Variants in NFIB observed in about 807,000 individuals in gnomAD.
NFIB encodes nuclear factor I B.
NFIB carries 11 observed loss-of-function variants against 61.5 expected under a neutral mutation model. That is an observed-to-expected ratio of 0.18 (90% CI 0.11 to 0.30). The LOEUF (loss-of-function observed/expected upper bound fraction) is 0.30, where lower values mean the gene tolerates loss of function less well. NFIB is among the 10% of genes least tolerant of loss of function. The pLI, the probability that NFIB is intolerant of heterozygous loss-of-function variation, is 1.00. For missense variants in NFIB, 471 were observed against 608.9 expected, an observed-to-expected ratio of 0.77 and a Z score of 2.38; for synonymous variants, 260 against 216.5, an observed-to-expected ratio of 1.20 and a Z score of -1.76.
intron 10 of NFIB, chr9:14,093,552 A>T (rs73409940): frequency 1.3e-5 from 2 of 152,130 alleles, no homozygotes; most frequent in Non-Finnish European, 2.9e-5. Flanking sequence ...TAAGTATTTT[A>T]ATTTAAAAGA....
intron 1 of NFIB, among the ~76,000 whole-genome samples, chr9:14,345,332 C>A (rs1369580018): frequency 1.3e-5 from 2 of 152,118 alleles, no homozygotes; most frequent in Non-Finnish European, 2.9e-5. Flanking sequence ...TAAAACATCC[C>A]CAAATTCATC....
At chr9:14,098,710 C>A (rs1306784811) in intron 10 of NFIB, among the ~76,000 whole-genome samples, 2 of 152,216 alleles carry the variant, frequency 1.3e-5, no homozygotes, top group Non-Finnish European at 2.9e-5. Flanking sequence ...CTTCACCCAA[C>A]CAATATTTTA....
chr9:14,107,748 T>C (rs1051238427), intron 10 of NFIB, among the ~76,000 whole-genome samples: 1 of 152,148 alleles, frequency 6.6e-6, no homozygotes, highest in Non-Finnish European at 1.5e-5. Context: ...TTTCCTACCC[T>C]GTCCCTTATG....
At position 14,342,328 on chromosome 9, in the gene NFIB, A is replaced by C. The variant is rs1385577129; in HGVS notation, c.109-34808T>G. Among the ~76,000 whole-genome samples the C allele has an allele frequency of 2.6e-5, 4 of 152,350 alleles. No homozygotes were observed. The South Asian group carries it at 6.2e-4, about 24-fold the overall frequency. ...TTTCATTACTGGGACTCAAGGAGCA[A>C]CAAAGTTTCCCTTAGGAACTGAAAA... On this transcript the variant is annotated intron_variant, in intron 1 of 8. Transcript: ENST00000380934.
the NFIB span, among the ~76,000 whole-genome samples, chr9:14,452,731 C>T: frequency 0.18 from 27,421 of 152,118 alleles, 2,715 homozygotes; most frequent in East Asian, 0.33. Context: ...AAACAAATAT[C>T]TGCCAAAACA....
In NFIB at chr9:14,225,456, C is replaced by CAAAAAAAAAAA. The variant is rs1228589594; in HGVS notation, c.563-45687_563-45677dup. 4.5e-3 allele frequency among the ~76,000 whole-genome samples: 260 copies of CAAAAAAAAAAA among 57,966 alleles called. 4 individuals carry two copies. Among genetic ancestry groups the CAAAAAAAAAAA allele is most frequent in the Non-Finnish European group, 7.9e-3 (183 of 23,218 alleles). 38.0% of individuals were successfully genotyped at this position (57,966 alleles called of 152,430 possible). A position where few individuals can be genotyped will look rare whatever the true frequency, so the allele number is the denominator to read the frequency against. On this transcript the variant is annotated intron_variant, in intron 2 of 10. Coordinates refer to ENST00000380953, the MANE Select transcript of NFIB (RefSeq NM_001190737.2). ...TGGGCGACAGAGCGAGACTCCGTCT[C>CAAAAAAAAAAA]AAAAAAAAAAAAAAAAAAAAAAAAG...
intron 6 of NFIB, among the ~76,000 whole-genome samples, chr9:14,126,747 A>C (rs1161699081): frequency 6.6e-6 from 1 of 152,232 alleles, no homozygotes; most frequent in Non-Finnish European, 1.5e-5. Flanking sequence ...CATGATCACA[A>C]TGACAGTTTA....
the NFIB span, among the ~76,000 whole-genome samples, chr9:14,405,272 A>G: frequency 6.6e-6 from 1 of 152,202 alleles, no homozygotes. Context: ...CACCAATTAG[A>G]TTTTAGTGGA....
chr9:14,198,848 G>A (rs550098498), intron 2 of NFIB, among the ~76,000 whole-genome samples: 10 of 152,292 alleles, frequency 6.6e-5, no homozygotes, highest in African/African-American at 2.4e-4. Flanking sequence ...CAAAAATGCA[G>A]TCCTTAAGCC....
intron 1 of NFIB, among the ~76,000 whole-genome samples, chr9:14,387,185 A>AT (rs2061559224): frequency 6.6e-6 from 1 of 152,176 alleles, no homozygotes; most frequent in African/African-American, 2.4e-5. Context: ...TCAACAAATT[A>AT]TTTTTTATAC....
chr9:14,376,518 A>ATT (rs35781223), intron 1 of NFIB, among the ~76,000 whole-genome samples: 4,933 of 141,190 alleles, frequency 0.035, 285 homozygotes, highest in African/African-American at 0.12. Flanking sequence ...TAAAAGTGTC[A>ATT]TTTTTTTTTT....
the NFIB span, among the ~76,000 whole-genome samples, chr9:14,451,910 G>C: frequency 6.6e-6 from 1 of 151,694 alleles, no homozygotes; most frequent in African/African-American, 2.4e-5. Flanking sequence ...CTGTCGTCCT[G>C]TTTTAATTTG....
intron 2 of NFIB, among the ~76,000 whole-genome samples, chr9:14,252,463 A>C (rs972465560): frequency 1.3e-5 from 2 of 152,144 alleles, no homozygotes; most frequent in Non-Finnish European, 2.9e-5. Context: ...TAAAGTAATA[A>C]AGTTTTAACT....
At chr9:14,375,428 TG>T (rs1184729458) in intron 1 of NFIB, among the ~76,000 whole-genome samples, 2 of 152,108 alleles carry the variant, frequency 1.3e-5, no homozygotes, top group African/African-American at 4.8e-5. Flanking sequence ...GAGGCCAAGG[TG>T]GGTGGATCAC....
intron 4 of NFIB, among the ~76,000 whole-genome samples, chr9:14,154,509 T>G (rs1363947799): frequency 6.6e-6 from 1 of 152,128 alleles, no homozygotes; most frequent in Non-Finnish European, 1.5e-5. Flanking sequence ...TGGATACCTT[T>G]GGATATCACA....
chr9:14,383,994 G>A (rs2061520318), intron 1 of NFIB, among the ~76,000 whole-genome samples: 1 of 152,226 alleles, frequency 6.6e-6, no homozygotes, highest in African/African-American at 2.4e-5. Context: ...GCAGAGAAAA[G>A]GCCGGGGTGC....
chr9:14,133,371 T>A (rs557848686), intron 6 of NFIB, among the ~76,000 whole-genome samples: 1 of 152,208 alleles, frequency 6.6e-6, no homozygotes, highest in African/African-American at 2.4e-5. Context: ...CTGCTTTCCA[T>A]TAAAATGTTG....
intron 1 of NFIB, among the ~76,000 whole-genome samples, chr9:14,352,592 C>T (rs1334563433): frequency 6.6e-6 from 1 of 152,224 alleles, no homozygotes; most frequent in Non-Finnish European, 1.5e-5. Context: ...GGCCTTGGTG[C>T]AATTGGACAA....
intron 1 of NFIB, among the ~76,000 whole-genome samples, chr9:14,352,617 G>A (rs2061126739): frequency 6.6e-6 from 1 of 152,206 alleles, no homozygotes; most frequent in South Asian, 2.1e-4. Context: ...GTGTTTCCAT[G>A]CTCTGTCACC....
Sources: allele counts gnomAD v4.1 joint callset (sites outside exome capture counted in the v4.1 genomes callset), GRCh38; gene constraint gnomAD v4.1.1; transcripts MANE v1.5; gene names NCBI Gene and HGNC (gene_info 2026-07-23, HGNC 2026-07-21).